The following RDX variants were observed in gnomAD, a reference collection of about 807,000 sequenced individuals.
The protein encoded by RDX is radixin.
Under a neutral mutation model 83.7 loss-of-function variants are expected in RDX, and 32 were observed. That is an observed-to-expected ratio of 0.38 (90% CI 0.29 to 0.51). The LOEUF (loss-of-function observed/expected upper bound fraction) is 0.51. RDX is among the 20% of genes least tolerant of loss of function. RDX has a pLI of 0.87. For missense variants in RDX, 600 were observed against 689.9 expected, an observed-to-expected ratio of 0.87 and a Z score of 1.46; for synonymous variants, 229 against 222.7, an observed-to-expected ratio of 1.03 and a Z score of -0.25.
chr11:110,242,018 T>C (rs530084610), intron 10 of RDX, among the ~76,000 whole-genome samples: 2 of 151,916 alleles, frequency 1.3e-5, no homozygotes, highest in East Asian at 1.9e-4. Context: ...CCAGGGGTTG[T>C]GGGGAGGGGG....
downstream of RDX, among the ~76,000 whole-genome samples, chr11:110,225,326 A>C (rs1293156626): frequency 6.6e-6 from 1 of 152,236 alleles, no homozygotes; most frequent in African/African-American, 2.4e-5. Context: ...GGGAAAAAAG[A>C]TTTGGAACTC....
chr11:110,276,568 T>C (rs1328275305), intron 2 of RDX, among the ~76,000 whole-genome samples: 4 of 152,194 alleles, frequency 2.6e-5, no homozygotes, highest in South Asian at 2.1e-4. Flanking sequence ...TTTGGTATCT[T>C]TGGGTAAGAA....
At chr11:110,175,914 A>G (rs1191788333) in intron 15 of RDX, among the ~76,000 whole-genome samples, 1 of 152,146 alleles carries the variant, frequency 6.6e-6, no homozygotes, top group African/African-American at 2.4e-5. Flanking sequence ...AAATTAGACA[A>G]GGAGGATTGG....
intron 12 of RDX, among the ~76,000 whole-genome samples, chr11:110,233,856 G>A (rs2134303001): frequency 6.6e-6 from 1 of 152,264 alleles, no homozygotes; most frequent in East Asian, 1.9e-4. Context: ...GATTTTATTT[G>A]AGCCACAAGG....
intron 10 of RDX, among the ~76,000 whole-genome samples, chr11:110,246,438 C>A (rs936625249): frequency 6.6e-6 from 1 of 151,920 alleles, no homozygotes; most frequent in African/African-American, 2.4e-5. Flanking sequence ...ATCTGAAATG[C>A]TACAAAATCC....
At position 110,253,994 on chromosome 11, in the gene RDX, T is replaced by C; in HGVS notation, c.911A>G (p.Gln304Arg). 1 of 1,613,840 alleles carries C rather than the reference T, an allele frequency of 6.2e-7. No homozygotes were observed. The highest frequency in any genetic ancestry group is 8.5e-7 in the Non-Finnish European group (1 of 1,179,864). The change falls in exon 9 of 14, where the codon CAG becomes CGG. Residue 304 changes from glutamine to arginine, a missense_variant. Coordinates refer to ENST00000645495, the MANE Select transcript of RDX (RefSeq NM_002906.4). The stretch of plus-strand genomic sequence containing the variant: ...CTCCTCCCTAGCCTGAGCCTTCATC[T>C]GTTGTACTTCAATAGTATCAGGCTT... ...RRKPDTIEVQ[Q>R]MKAQAREEKH...
chr11:110,282,408 CT>C lies in RDX; in HGVS notation c.-64-2653del, dbSNP rs896210986. ...TTCTACAACGTATCAGCCTGTCTTC[CT>C]TTTTTTTTTGATATGAAAAGACTGC... On this transcript the variant is annotated intron_variant, in intron 1 of 13. Coordinates refer to ENST00000645495, the MANE Select transcript of RDX (RefSeq NM_002906.4). 5.6e-4 allele frequency among the ~76,000 whole-genome samples: 83 copies of C among 148,366 alleles called. 1 individual carries two copies. Among genetic ancestry groups the C allele is most frequent in the South Asian group, 5.5e-3 (26 of 4,690 alleles).
chr11:110,246,809 T>G (rs994355940), intron 10 of RDX, among the ~76,000 whole-genome samples: 6 of 150,922 alleles, frequency 4.0e-5, no homozygotes, highest in Admixed American at 4.0e-4. Flanking sequence ...AATAGGACAA[T>G]GCAAACATCC....
rs4753880 is a variant in RDX, at chr11:110,204,157, T to C, written c.1749-4479A>G. Among the ~76,000 whole-genome samples, 1,452 of 151,870 alleles carry C rather than the reference T, an allele frequency of 9.6e-3. 57 individuals are homozygous for C. The East Asian group carries it at 0.12, about 13-fold the overall frequency. The stretch of plus-strand genomic sequence containing the variant: ...TATGGATGGAGAAGACTGAAAACTA[T>C]AATTATTTGCAGAAAATGAAGAAAG... On this transcript the variant is annotated intron_variant, in intron 14 of 15. Coordinates refer to the RDX transcript ENST00000528498.
chr11:110,219,372 G>A (rs897565089), intron 14 of RDX, among the ~76,000 whole-genome samples: 1 of 152,210 alleles, frequency 6.6e-6, no homozygotes, highest in Non-Finnish European at 1.5e-5. Flanking sequence ...CCGCTGAAAA[G>A]AACATGGCTT....
At chr11:110,237,121 ATATAT>A (rs150080084) in intron 11 of RDX, among the ~76,000 whole-genome samples, 2,089 of 149,350 alleles carry the variant, frequency 0.014, 48 homozygotes, top group African/African-American at 0.048. Context: ...TATATCTATA[ATATAT>A]TATATAACTA....
intron 15 of RDX, among the ~76,000 whole-genome samples, chr11:110,179,379 C>T (rs1391388770): frequency 6.6e-6 from 1 of 152,220 alleles, no homozygotes; most frequent in African/African-American, 2.4e-5. Context: ...CCTGTCACTG[C>T]CCTGGCCTTT....
intron 3 of RDX, among the ~76,000 whole-genome samples, chr11:110,269,969 G>A (rs1437803557): frequency 6.6e-6 from 1 of 152,108 alleles, no homozygotes; most frequent in Non-Finnish European, 1.5e-5. Flanking sequence ...TTGAGCCTGG[G>A]AGGCAGAGGT....
chr11:110,204,755 TCTGC>T (rs1235536050), intron 14 of RDX, among the ~76,000 whole-genome samples: 1 of 152,198 alleles, frequency 6.6e-6, no homozygotes, highest in African/African-American at 2.4e-5. Flanking sequence ...GACCTCGTGA[TCTGC>T]CTGCCTTGGC....
chr11:110,227,632 T>A (rs1864476312), downstream of RDX, among the ~76,000 whole-genome samples: 1 of 150,590 alleles, frequency 6.6e-6, no homozygotes, highest in South Asian at 2.1e-4. Context: ...GATCTAAGGC[T>A]AAGATAAGTT....
Position 110,230,579 on chromosome 11 carries a change from T to TAC in RDX, c.*1288_*1289dup, listed in dbSNP as rs61030269. On this transcript the variant is annotated 3_prime_UTR_variant, in exon 14 of 14. Transcript: ENST00000645495. ...TTCTCTCTCTCATACACACACAGAG[T>TAC]ACACACACACACACACACACACACA... is the stretch of plus-strand genomic sequence containing the variant. 0.03 allele frequency: 4,421 copies of TAC among 147,138 alleles called. 75 individuals are homozygous for TAC. Among genetic ancestry groups the TAC allele is most frequent in the African/African-American group, 0.053 (2,108 of 39,842 alleles). The allele number at this position is 147,138 out of a possible 1,614,324, so 9.1% of individuals were successfully genotyped here.
At chr11:110,244,342 C>A (rs1010939509) in intron 10 of RDX, among the ~76,000 whole-genome samples, 14 of 94,210 alleles carry the variant, frequency 1.5e-4, no homozygotes, top group Non-Finnish European at 2.3e-4. Flanking sequence ...CAACCTGGGG[C>A]AACAGAGTGA....
At chr11:110,213,207 A>G (rs1408452420) in intron 14 of RDX, among the ~76,000 whole-genome samples, 8 of 151,360 alleles carry the variant, frequency 5.3e-5, no homozygotes, top group Non-Finnish European at 1.2e-4. Context: ...AGACAAACAG[A>G]GAGCCAAATC....
chr11:110,235,828 T>G (rs759963193), intron 12 of RDX, among the ~76,000 whole-genome samples: 2 of 152,220 alleles, frequency 1.3e-5, no homozygotes, highest in Non-Finnish European at 2.9e-5. Flanking sequence ...CCCAATCTTT[T>G]GTACCCCCAA....
Sources: gnomAD v4.1 joint callset for allele counts (sites outside exome capture counted in the v4.1 genomes callset) on GRCh38, gnomAD v4.1.1 for gene constraint, MANE v1.5 for transcripts, NCBI Gene and HGNC (gene_info 2026-07-23, HGNC 2026-07-21) for gene names.